CAMTA1: variants seen among roughly 807,000 people sequenced by gnomAD.
CAMTA1 encodes the protein calmodulin binding transcription activator 1, also known as calmodulin-binding transcription activator 1.
CAMTA1 carries 27 observed loss-of-function variants against 170.9 expected under a neutral mutation model. The observed-to-expected ratio is 0.16, with a 90% confidence interval of 0.12 to 0.22. The LOEUF (loss-of-function observed/expected upper bound fraction) is 0.22. Among genes scored for constraint, CAMTA1 ranks in the 10% least tolerant of loss-of-function variants. The pLI, the probability that CAMTA1 is intolerant of heterozygous loss-of-function variation, is 1.00. For missense variants in CAMTA1, 1,619 were observed against 2,217.2 expected, an observed-to-expected ratio of 0.73 and a Z score of 5.42; for synonymous variants, 833 against 891.5, an observed-to-expected ratio of 0.93 and a Z score of 1.17.
At chr1:6,855,525 T>A (rs1026805146) in intron 3 of CAMTA1, among the ~76,000 whole-genome samples, 3 of 151,672 alleles carry the variant, frequency 2.0e-5, no homozygotes, top group Non-Finnish European at 4.4e-5. Flanking sequence ...TCCTGAGAAC[T>A]CAATCATGAG....
At chr1:7,600,575 G>A (rs570019257) in intron 6 of CAMTA1, among the ~76,000 whole-genome samples, 32 of 151,674 alleles carry the variant, frequency 2.1e-4, no homozygotes, top group African/African-American at 7.7e-4. Flanking sequence ...TGGAGGGAAG[G>A]TCAGCAGATA....
rs185041410 is a variant in CAMTA1, at chr1:6,814,817, C to A, written c.46-5364C>A. Among the ~76,000 whole-genome samples the A allele has an allele frequency of 1.6e-4, 25 of 152,290 alleles. No homozygotes were observed. In the East Asian group the frequency reaches 4.4e-3, roughly 27 times the overall value. On this transcript the variant is annotated intron_variant, in intron 1 of 22. Transcript: ENST00000303635. ...TCTTTATTTCAAAGAACGGTAAATA[C>A]ACTTTTCATTATGCTGTTTCTCTGT...
intron 11 of CAMTA1, among the ~76,000 whole-genome samples, chr1:7,726,443 C>T (rs1222164240): frequency 1.4e-5 from 2 of 145,228 alleles, no homozygotes; most frequent in East Asian, 3.9e-4. Flanking sequence ...ATCATTGCAA[C>T]TAACTTTTGT....
chr1:7,411,664 G>C (rs562671794), intron 5 of CAMTA1, among the ~76,000 whole-genome samples: 13 of 152,054 alleles, frequency 8.5e-5, no homozygotes, highest in African/African-American at 2.2e-4. Flanking sequence ...AGCTCAGAGA[G>C]AGACTCTTGG....
chr1:7,382,295 AAGTT>A (rs2087431161), intron 5 of CAMTA1, among the ~76,000 whole-genome samples: 1 of 152,232 alleles, frequency 6.6e-6, no homozygotes, highest in East Asian at 1.9e-4. Flanking sequence ...GTTAGATGCA[AAGTT>A]AGTTGTTTTC....
At position 7,562,653 on chromosome 1, in the gene CAMTA1, A is replaced by C. The variant is rs1430647948; in HGVS notation, c.511-77747A>C. 1.3e-5 allele frequency among the ~76,000 whole-genome samples: 2 copies of C among 152,180 alleles called. No homozygotes were observed. Among genetic ancestry groups the C allele is most frequent in the African/African-American group, 4.8e-5 (2 of 41,442 alleles). On this transcript the variant is annotated intron_variant, in intron 6 of 22. Coordinates refer to ENST00000303635, the MANE Select transcript of CAMTA1 (RefSeq NM_015215.4). This position sits in a 1 kb window ranked among gnomAD's most constrained non-coding sequence, Gnocchi z 4.8. The stretch of plus-strand genomic sequence containing the variant: ...CCACAACCGTCCGAAGAGATACCCA[A>C]ATTGTACGCCACTGCTCAGATGGTT...
chr1:7,192,438 A>G (rs1288790890), intron 4 of CAMTA1, among the ~76,000 whole-genome samples: 4 of 152,244 alleles, frequency 2.6e-5, no homozygotes, highest in Non-Finnish European at 5.9e-5. Flanking sequence ...CAATGTGAGA[A>G]GGGACTGAGG....
chr1:7,013,601 C>T (rs1400538495), intron 3 of CAMTA1, among the ~76,000 whole-genome samples: 1 of 152,154 alleles, frequency 6.6e-6, no homozygotes, highest in Non-Finnish European at 1.5e-5. Flanking sequence ...CTTAGGTAAG[C>T]AGAGTGTGGC....
At chr1:6,820,318 A>C (rs1349366203) in intron 2 of CAMTA1, 68 bp downstream of exon 2, 1 of 1,535,980 alleles carries the variant, frequency 6.5e-7, no homozygotes, top group Non-Finnish European at 9.0e-7. Flanking sequence ...ATTATCATCT[A>C]GTACAGTGGA....
At chr1:7,086,972 AG>A (rs1269254971) in intron 3 of CAMTA1, among the ~76,000 whole-genome samples, 2 of 152,278 alleles carry the variant, frequency 1.3e-5, no homozygotes, top group East Asian at 1.9e-4. Context: ...CTTGTGTTTG[AG>A]GGGCTGCAAG....
At chr1:6,830,094 T>C (rs920834659) in intron 3 of CAMTA1, among the ~76,000 whole-genome samples, 1 of 151,852 alleles carries the variant, frequency 6.6e-6, no homozygotes, top group African/African-American at 2.4e-5. Flanking sequence ...TGGAGTGCAG[T>C]GGCGCGATCT....
At chr1:7,636,399 C>T (rs941757412) in intron 6 of CAMTA1, among the ~76,000 whole-genome samples, 4 of 152,186 alleles carry the variant, frequency 2.6e-5, no homozygotes, top group African/African-American at 9.6e-5. Flanking sequence ...TGTATCTTAC[C>T]TTCCTAGCAA....
At chr1:7,489,583 C>T (rs1376344128) in intron 6 of CAMTA1, among the ~76,000 whole-genome samples, 1 of 152,196 alleles carries the variant, frequency 6.6e-6, no homozygotes, top group Non-Finnish European at 1.5e-5. Flanking sequence ...CCTTAGGAAG[C>T]TCACAGTCTA....
chr1:7,444,998 C>A (rs539911945), intron 5 of CAMTA1, among the ~76,000 whole-genome samples: 34 of 132,302 alleles, frequency 2.6e-4, no homozygotes, highest in African/African-American at 9.5e-4. Flanking sequence ...GATGTGGAAT[C>A]AAATGTGCTG....
At chr1:7,535,343 C>T (rs888408391) in intron 6 of CAMTA1, among the ~76,000 whole-genome samples, 2 of 152,184 alleles carry the variant, frequency 1.3e-5, no homozygotes, top group Non-Finnish European at 2.9e-5. Context: ...GAGTGCCGCC[C>T]GCCTCCACCC....
intron 4 of CAMTA1, among the ~76,000 whole-genome samples, chr1:7,241,470 A>G (rs1574134146): frequency 6.6e-6 from 1 of 152,254 alleles, no homozygotes; most frequent in Non-Finnish European, 1.5e-5. Flanking sequence ...ATATGGAAAT[A>G]CAAAGGACTT....
intron 19 of CAMTA1, 89 bp downstream of exon 19, chr1:7,747,870 G>A: frequency 1.4e-6 from 1 of 728,308 alleles, no homozygotes; most frequent in Non-Finnish European, 2.3e-6. Context: ...ACTACATCTA[G>A]TACCTCATTA....
chr1:7,042,420 TC>T (rs1475863793), intron 3 of CAMTA1, among the ~76,000 whole-genome samples: 1 of 152,176 alleles, frequency 6.6e-6, no homozygotes, highest in Non-Finnish European at 1.5e-5. Context: ...GAGCCCAGTT[TC>T]CCTGCCTCTC....
chr1:7,214,912 A>G (rs1485697630), intron 4 of CAMTA1, among the ~76,000 whole-genome samples: 1 of 151,724 alleles, frequency 6.6e-6, no homozygotes. Flanking sequence ...CAATTGTTGA[A>G]AAGGCTATCT....
Sources: allele counts gnomAD v4.1 joint callset (sites outside exome capture counted in the v4.1 genomes callset), GRCh38; gene constraint gnomAD v4.1.1; non-coding constraint Gnocchi (gnomAD v3.1); transcripts MANE v1.5; gene names NCBI Gene and HGNC (gene_info 2026-07-23, HGNC 2026-07-21).